Variants in WDR75 observed in about 807,000 individuals in gnomAD.
The protein encoded by WDR75 is WD repeat-containing protein 75.
WDR75 carries 52 observed loss-of-function variants against 106.1 expected under a neutral mutation model. The ratio of observed to expected loss-of-function variants is 0.49; its 90% CI spans 0.39 to 0.62. The LOEUF (loss-of-function observed/expected upper bound fraction) is 0.62, where lower values mean the gene tolerates loss of function less well. WDR75 is among the 20% of genes least tolerant of loss of function. The pLI, the probability that WDR75 is intolerant of heterozygous loss-of-function variation, is 0.00. For missense variants in WDR75, 905 were observed against 970.3 expected (o/e 0.93, Z 0.89); for synonymous variants, 333 against 335.5 (o/e 0.99, Z 0.08).
chr2:189,463,676 A>AT lies in WDR75; in HGVS notation c.938-11dup. 6.2e-7 allele frequency: 1 copy of AT among 1,613,104 alleles called. No homozygotes were observed. The highest frequency in any genetic ancestry group is 8.5e-7 in the Non-Finnish European group (1 of 1,179,482). ...CTAACCTATTGATATTTAAATACCT[A>AT]TTTTTTTCTACCCACAGAGATAATA... On this transcript the variant is annotated splice_polypyrimidine_tract_variant and intron_variant, in intron 9 of 20. Transcript: ENST00000314761.
chr2:189,448,834 G>A (rs929920196), intron 2 of WDR75: 2 of 483,450 alleles, frequency 4.1e-6, no homozygotes, highest in Non-Finnish European at 8.5e-6. Flanking sequence ...ATCCAAAAGA[G>A]GTATGTAGTT....
chr2:189,459,237 A>T, intron 7 of WDR75, 99 bp from the exon 8 acceptor site: 1 of 846,788 alleles, frequency 1.2e-6, no homozygotes, highest in Middle Eastern at 3.3e-4. Flanking sequence ...ATTATGATTT[A>T]GTATGTTTGG....
chr2:189,468,543 G>A lies in WDR75; in HGVS notation c.1697G>A (p.Cys566Tyr). Residue 566 changes from cysteine to tyrosine, a missense_variant, in exon 15 of 21, where the codon TGC becomes TAC. Cys to Tyr is a radical substitution (Grantham distance 194). Transcript: ENST00000314761. Reference sequence around the variant, plus strand: ...GGTGCTACTGAAAATGGCATTCTTTGCTGTTGGAATCTGCTGAGCTGTGCA... The same window carrying A: ...GGTGCTACTGAAAATGGCATTCTTTACTGTTGGAATCTGCTGAGCTGTGCA... The part of the protein sequence containing the change: ...LLGATENGIL[C>Y]CWNLLSCALE... The A allele has an allele frequency of 6.2e-7, 1 of 1,613,230 alleles. No individual in the cohort carries two copies. Among genetic ancestry groups the A allele is most frequent in the Non-Finnish European group, 8.5e-7 (1 of 1,179,374 alleles).
In WDR75 at chr2:189,448,390, G is replaced by T. The variant is rs1454739288; in HGVS notation, c.98G>T (p.Cys33Phe). 6.2e-7 allele frequency: 1 copy of T among 1,612,862 alleles called. No individual in the cohort carries two copies. The highest frequency in any genetic ancestry group is 8.5e-7 in the Non-Finnish European group (1 of 1,179,350). ...VFSADSKYIF[C>F]VSGDFVKVYS... is the part of the protein sequence containing the mutation. ...TCTTTTTTTTCCAGGTATATCTTCT[G>T]TGTCTCTGGAGACTTTGTTAAAGTT... The change falls in exon 2 of 21, where the codon TGT becomes TTT. Residue 33 changes from cysteine (C) to phenylalanine (F), a missense_variant. Cys to Phe is a radical substitution (Grantham distance 205). Coordinates refer to ENST00000314761, the MANE Select transcript of WDR75 (RefSeq NM_032168.3).
intron 1 of WDR75, among the ~76,000 whole-genome samples, chr2:189,442,608 G>A (rs1686405108): frequency 6.6e-6 from 1 of 151,694 alleles, no homozygotes; most frequent in South Asian, 2.1e-4. Flanking sequence ...GGGCCACCAC[G>A]CCCGCTAATT....
intron 4 of WDR75, among the ~76,000 whole-genome samples, chr2:189,452,647 A>G (rs2105556266): frequency 6.6e-6 from 1 of 152,294 alleles, no homozygotes. Flanking sequence ...ACATTGGTCC[A>G]TTGAAACTGC....
chr2:189,469,311 T>G (rs373913074), intron 15 of WDR75, 33 bp from the exon 16 acceptor site: 1 of 1,545,784 alleles, frequency 6.5e-7, no homozygotes, highest in Non-Finnish European at 8.9e-7. Flanking sequence ...AAATCTTTCC[T>G]TAGAAGTGAA....
At chr2:189,469,540 G>C (rs141288229) in intron 16 of WDR75, 101 bp downstream of exon 16, 2 of 968,576 alleles carry the variant, frequency 2.1e-6, no homozygotes, top group East Asian at 5.1e-5. Context: ...GATGTTAATT[G>C]GAAGCCATTT....
At chr2:189,466,785 T>G (rs1574201880) in intron 13 of WDR75, among the ~76,000 whole-genome samples, 1 of 152,186 alleles carries the variant, frequency 6.6e-6, no homozygotes, top group South Asian at 2.1e-4. Context: ...CATTCTTGAT[T>G]AATCATGTGC....
At position 189,470,026 on chromosome 2, in the gene WDR75, A is replaced by G; in HGVS notation, c.1820-50A>G. 1.9e-6 allele frequency: 3 copies of G among 1,554,156 alleles called. No individual in the cohort carries two copies. In the South Asian group the frequency reaches 3.5e-5, roughly 18 times the overall value. On this transcript the variant is annotated intron_variant, in intron 16 of 20. Coordinates refer to ENST00000314761, the MANE Select transcript of WDR75 (RefSeq NM_032168.3). ...TGTGATCTGCCAGTCTGAGGCTAGA[A>G]CTAACCTTTTCAGGCAAAATGTTAT...
intron 19 of WDR75, 26 bp from the exon 20 acceptor site, chr2:189,474,691 C>G: frequency 1.3e-6 from 2 of 1,599,672 alleles, no homozygotes; most frequent in South Asian, 2.2e-5. Context: ...TTTTTAATTG[C>G]AACCGTGTTT....
At chr2:189,451,081 G>T in intron 3 of WDR75, 113 bp downstream of exon 3, 1 of 1,287,120 alleles carries the variant, frequency 7.8e-7, no homozygotes, top group Non-Finnish European at 1.0e-6. Flanking sequence ...TCCTAAACAA[G>T]TTACAAAATA....
chr2:189,466,950 A>C (rs561703283), intron 13 of WDR75, among the ~76,000 whole-genome samples: 24 of 152,100 alleles, frequency 1.6e-4, no homozygotes, highest in Non-Finnish European at 3.1e-4. Flanking sequence ...AGTTGTGGGG[A>C]ACAGGTTTTC....
intron 4 of WDR75, among the ~76,000 whole-genome samples, 175 bp from the exon 5 acceptor site, chr2:189,455,145 G>A (rs1012257544): frequency 6.6e-6 from 1 of 151,932 alleles, no homozygotes; most frequent in Non-Finnish European, 1.5e-5. Context: ...GGAGGCTGAG[G>A]CAAGAGAATT....
Position 189,459,328 on chromosome 2 carries a change from T to A in WDR75, c.690-8T>A. 6.3e-7 allele frequency: 1 copy of A among 1,599,942 alleles called. No individual in the cohort carries two copies. Among genetic ancestry groups the A allele is most frequent in the South Asian group, 1.1e-5 (1 of 87,984 alleles). The stretch of plus-strand genomic sequence containing the variant: ...GGTCAAAATAAGAGTTTTATCTTTC[T>A]CCAATAGGAGGAATTTTTATGATGA... On this transcript the variant is annotated splice_region_variant and splice_polypyrimidine_tract_variant and intron_variant, in intron 7 of 20. Transcript: ENST00000314761.
At chr2:189,460,720 G>A (rs1686862237) in intron 8 of WDR75, among the ~76,000 whole-genome samples, 1 of 151,880 alleles carries the variant, frequency 6.6e-6, no homozygotes. Flanking sequence ...TGCCAGGCTG[G>A]TCTCAAACTC....
At chr2:189,454,478 T>G (rs1175361474) in intron 4 of WDR75, among the ~76,000 whole-genome samples, 1 of 152,182 alleles carries the variant, frequency 6.6e-6, no homozygotes, top group African/African-American at 2.4e-5. Context: ...GCTTAATACT[T>G]TGGAATGTAA....
intron 17 of WDR75, 123 bp from the exon 18 acceptor site, chr2:189,470,696 T>C (rs113278116): frequency 0.045 from 23,276 of 521,706 alleles, 814 homozygotes; most frequent in African/African-American, 0.14. Context: ...ATTCCTTTTC[T>C]GTTGTCAAAT....
At chr2:189,445,502 T>C (rs1209848690) in intron 1 of WDR75, among the ~76,000 whole-genome samples, 2 of 152,072 alleles carry the variant, frequency 1.3e-5, no homozygotes, top group Non-Finnish European at 2.9e-5. Flanking sequence ...CTTAAAGCAG[T>C]AGTCAAGAGT....
Sources: gnomAD v4.1 joint callset for allele counts (sites outside exome capture counted in the v4.1 genomes callset) on GRCh38, gnomAD v4.1.1 for gene constraint, MANE v1.5 for transcripts, NCBI Gene and HGNC (gene_info 2026-07-23, HGNC 2026-07-21) for gene names.